Variants in CLASP1 observed in about 807,000 individuals in gnomAD.
The protein encoded by CLASP1 is cytoplasmic linker associated protein 1.
CLASP1 carries 38 observed loss-of-function variants against 192.3 expected under a neutral mutation model. That is an observed-to-expected ratio of 0.20 (90% CI 0.15 to 0.26). The LOEUF (loss-of-function observed/expected upper bound fraction) is 0.26. CLASP1 is among the 10% of genes least tolerant of loss of function. The pLI is 1.00. For missense variants in CLASP1, 1,433 were observed against 1,932.5 expected, an observed-to-expected ratio of 0.74 and a Z score of 4.85; for synonymous variants, 691 against 712.8, an observed-to-expected ratio of 0.97 and a Z score of 0.49.
intron 8 of CLASP1, among the ~76,000 whole-genome samples, chr2:121,481,154 A>G (rs1013492183): frequency 7.9e-5 from 12 of 152,236 alleles, no homozygotes; most frequent in African/African-American, 2.7e-4. Flanking sequence ...CAGGAAAACC[A>G]TAAGTATGGG....
At chr2:121,547,152 C>T (rs1248170174) in intron 2 of CLASP1, among the ~76,000 whole-genome samples, 6 of 152,298 alleles carry the variant, frequency 3.9e-5, no homozygotes, top group African/African-American at 1.4e-4. Flanking sequence ...CACATCTCCT[C>T]ATCGGCAGGT....
At chr2:121,444,859 T>G in intron 19 of CLASP1, 1 of 891,436 alleles carries the variant, frequency 1.1e-6, no homozygotes, top group Non-Finnish European at 1.7e-6. Context: ...TGAGGACAAG[T>G]GGGTACTGGG....
chr2:121,354,785 G>A (rs1033705224), intron 37 of CLASP1, among the ~76,000 whole-genome samples: 1 of 152,152 alleles, frequency 6.6e-6, no homozygotes, highest in African/African-American at 2.4e-5. Flanking sequence ...GTGGGAAGCA[G>A]CTCAGTGGGT....
At chr2:121,590,168 A>T (rs992695803) in intron 2 of CLASP1, among the ~76,000 whole-genome samples, 4 of 152,338 alleles carry the variant, frequency 2.6e-5, no homozygotes, top group Non-Finnish European at 5.9e-5. Context: ...AAATATCAAG[A>T]GAAATGGTAA....
chr2:121,357,187 G>A (rs2065580472), intron 37 of CLASP1, among the ~76,000 whole-genome samples: 1 of 152,186 alleles, frequency 6.6e-6, no homozygotes, highest in African/African-American at 2.4e-5. Flanking sequence ...GTGTTTTAGA[G>A]TTTACTCAAT....
chr2:121,502,941 A>C (rs2093807731), intron 8 of CLASP1, among the ~76,000 whole-genome samples: 1 of 152,312 alleles, frequency 6.6e-6, no homozygotes, highest in Middle Eastern at 3.4e-3. Context: ...CGCAGTTTTA[A>C]AAGTAAAGCC....
chr2:121,452,336 G>A (rs1435840407), intron 14 of CLASP1, among the ~76,000 whole-genome samples: 2 of 152,070 alleles, frequency 1.3e-5, no homozygotes, highest in African/African-American at 4.8e-5. Flanking sequence ...TGCTTAAAAT[G>A]GATTTTCTCC....
At chr2:121,524,602 G>T (rs1161066570) in intron 6 of CLASP1, among the ~76,000 whole-genome samples, 1 of 151,972 alleles carries the variant, frequency 6.6e-6, no homozygotes, top group Non-Finnish European at 1.5e-5. Context: ...GATCACAGGT[G>T]AACGCCACCA....
chr2:121,359,689 C>G (rs1288950327), intron 37 of CLASP1, among the ~76,000 whole-genome samples: 2 of 152,052 alleles, frequency 1.3e-5, no homozygotes, highest in East Asian at 1.9e-4. Flanking sequence ...AATTTATTTA[C>G]TAAAAAGATA....
chr2:121,451,817 T>C lies in CLASP1; in HGVS notation c.1418A>G (p.Gln473Arg), dbSNP rs1181674716. ...TTCTAGTGAATGTGTCTGCCATTCT[T>C]GTAAAAGCAAATCTAAAAATTCAAA... Residue 473 changes from glutamine to arginine, a missense_variant, in exon 15 of 40, where the codon CAA becomes CGA. Transcript: ENST00000263710. 16 of 1,575,210 alleles carry C rather than the reference T, an allele frequency of 1.0e-5. No individual in the cohort carries two copies. The highest frequency in any genetic ancestry group is 1.1e-5 in the Non-Finnish European group (13 of 1,159,346).
At chr2:121,375,514 C>T (rs956136061) in intron 34 of CLASP1, among the ~76,000 whole-genome samples, 1 of 151,900 alleles carries the variant, frequency 6.6e-6, no homozygotes, top group Non-Finnish European at 1.5e-5. Context: ...CAGGTGTGCA[C>T]CACCAAGCCC....
rs550517103 is a variant in CLASP1, at chr2:121,489,853, C to G, written c.712+13314G>C. Among the ~76,000 whole-genome samples, 15 of 152,264 alleles carry G rather than the reference C, an allele frequency of 9.9e-5. 1 individual carries two copies. The highest frequency in any genetic ancestry group is 3.4e-4 in the African/African-American group (14 of 41,558). On this transcript the variant is annotated intron_variant, in intron 8 of 39. Coordinates refer to ENST00000263710, the Ensembl canonical transcript of CLASP1. ...TTGCACTGCTATCATTTATGCTTTTCCTCTATACCTACTGGGAAAACTTAG... is the reference window on the plus strand; with the variant it reads ...TTGCACTGCTATCATTTATGCTTTTGCTCTATACCTACTGGGAAAACTTAG...
In CLASP1 at chr2:121,459,871, A is replaced by T. The variant is rs183107118; in HGVS notation, c.1178+109T>A. 3.6e-5 allele frequency: 36 copies of T among 994,328 alleles called. No individual in the cohort carries two copies. In the African/African-American group the frequency reaches 4.5e-4, roughly 13 times the overall value. The allele number at this position is 994,328 out of a possible 1,614,324, so 61.6% of individuals were successfully genotyped here. A position where few individuals can be genotyped will look rare whatever the true frequency, so the allele number is the denominator to read the frequency against. On this transcript the variant is annotated intron_variant, in intron 12 of 39. Transcript: ENST00000263710. ...TTAACTGGAATGGGTCTTGGAGACT[A>T]GTCAGAAGTTACATTAAAGAGACCC...
At chr2:121,521,385 C>T (rs1404601684) in intron 6 of CLASP1, among the ~76,000 whole-genome samples, 1 of 152,176 alleles carries the variant, frequency 6.6e-6, no homozygotes, top group African/African-American at 2.4e-5. Flanking sequence ...GCAGCAGCCT[C>T]CTCTCTGCCA....
chr2:121,358,772 T>C (rs2065853101), intron 37 of CLASP1, among the ~76,000 whole-genome samples: 1 of 152,272 alleles, frequency 6.6e-6, no homozygotes, highest in Admixed American at 6.5e-5. Flanking sequence ...GGTGGTTTTA[T>C]ATTTATCTAA....
At chr2:121,563,216 A>C (rs529353551) in intron 2 of CLASP1, among the ~76,000 whole-genome samples, 1 of 152,330 alleles carries the variant, frequency 6.6e-6, no homozygotes, top group African/African-American at 2.4e-5. Context: ...ATAAGTGGGC[A>C]CTTGATTTTT....
At chr2:121,520,073 C>A (rs1055549079) in intron 6 of CLASP1, among the ~76,000 whole-genome samples, 1 of 152,200 alleles carries the variant, frequency 6.6e-6, no homozygotes, top group Non-Finnish European at 1.5e-5. Context: ...AGGTCTCCAA[C>A]GTCTGACCAT....
At chr2:121,565,631 G>C (rs537334061) in intron 2 of CLASP1, among the ~76,000 whole-genome samples, 2 of 152,306 alleles carry the variant, frequency 1.3e-5, no homozygotes, top group South Asian at 4.1e-4. Flanking sequence ...GGCTGTCAGA[G>C]CCCTGAGAGC....
At chr2:121,553,277 C>G (rs1162942745) in intron 2 of CLASP1, among the ~76,000 whole-genome samples, 1 of 152,096 alleles carries the variant, frequency 6.6e-6, no homozygotes, top group Non-Finnish European at 1.5e-5. Context: ...ATAATCTGTA[C>G]AACAAACCCC....
Sources: gnomAD v4.1 joint callset for allele counts (sites outside exome capture counted in the v4.1 genomes callset) on GRCh38, gnomAD v4.1.1 for gene constraint, MANE v1.5 for transcripts, NCBI Gene and HGNC (gene_info 2026-07-23, HGNC 2026-07-21) for gene names.